NTRK3: variants seen among roughly 807,000 people sequenced by gnomAD.
NTRK3 encodes the protein neurotrophic receptor tyrosine kinase 3, also known as NT-3 growth factor receptor.
In NTRK3, 24 loss-of-function variants were observed where a neutral mutation model predicts 91.7. The ratio of observed to expected loss-of-function variants is 0.26; its 90% CI spans 0.19 to 0.37. The LOEUF (loss-of-function observed/expected upper bound fraction) is 0.37, where lower values mean the gene tolerates loss of function less well. Ranked by LOEUF, NTRK3 falls within the 10% of genes least tolerant of loss-of-function variation. NTRK3 has a pLI of 1.00. For synonymous variants in NTRK3, 483 were observed against 404.0 expected (o/e 1.20, Z -2.34); for missense variants, 880 against 1,068.9 (o/e 0.82, Z 2.46).
At chr15:87,867,547 C>T (rs1291464535) in exon 19 of NTRK3, 1 of 229,820 alleles carries the variant, frequency 4.4e-6, no homozygotes, top group Non-Finnish European at 8.6e-6. Flanking sequence ...AACAGATTGG[C>T]TTGCCCCATC....
intron 3 of NTRK3, among the ~76,000 whole-genome samples, chr15:88,214,674 A>C (rs1290146320): frequency 9.4e-6 from 1 of 106,836 alleles, no homozygotes; most frequent in Non-Finnish European, 2.0e-5. Flanking sequence ...AAAAAAAAAA[A>C]AACAGAGAGA....
At chr15:87,917,331 C>T (rs2067517531) in intron 17 of NTRK3, among the ~76,000 whole-genome samples, 1 of 152,170 alleles carries the variant, frequency 6.6e-6, no homozygotes, top group African/African-American at 2.4e-5. Context: ...CCTGTGGAAT[C>T]CCAGAAGATG....
chr15:87,862,001 T>C (rs1241140203), exon 19 of NTRK3: 1 of 212,778 alleles, frequency 4.7e-6, no homozygotes, highest in Non-Finnish European at 9.5e-6. Context: ...CCTATCCCCA[T>C]AGGTCCTTTC....
At chr15:88,111,891 G>T (rs1168208498) in intron 13 of NTRK3, among the ~76,000 whole-genome samples, 3 of 146,344 alleles carry the variant, frequency 2.0e-5, no homozygotes, top group Non-Finnish European at 4.5e-5. Context: ...CTGGTTTCTG[G>T]TTTTTTTTTT....
rs59553739 is a variant in NTRK3, at chr15:88,197,094, CAAAAAAAAAAAAAAAAAAAA to C, written c.249-12815_249-12796del. ...AGAAGAGGTCTATGGTTGAGCAGGA[CAAAAAAAAAAAAAAAAAAAA>C]AAAAAAAAAAAAACCTCTGTGATTG... On this transcript the variant is annotated intron_variant, in intron 3 of 18. Transcript: ENST00000394480. Among the ~76,000 whole-genome samples, 19 of 56,512 alleles carry C rather than the reference CAAAAAAAAAAAAAAAAAAAA, an allele frequency of 3.4e-4. No individual in the cohort carries two copies. The Admixed American group carries it at 5.6e-3, about 17-fold the overall frequency. 37.1% of individuals were successfully genotyped at this position (56,512 alleles called of 152,430 possible). A position where few individuals can be genotyped will look rare whatever the true frequency, so the allele number is the denominator to read the frequency against.
intron 14 of NTRK3, among the ~76,000 whole-genome samples, chr15:88,009,239 T>C (rs952821881): frequency 2.6e-5 from 4 of 152,230 alleles, no homozygotes; most frequent in African/African-American, 9.6e-5. Flanking sequence ...ATGAAGCTAT[T>C]ACTATATGCA....
exon 19 of NTRK3, chr15:87,872,988 A>G (rs1269349076): frequency 1.3e-5 from 3 of 233,028 alleles, no homozygotes; most frequent in Non-Finnish European, 1.7e-5. Context: ...TCACCCTGCC[A>G]CTTTTCTACT....
chr15:87,920,705 G>A (rs2067793979), intron 17 of NTRK3, among the ~76,000 whole-genome samples: 1 of 152,146 alleles, frequency 6.6e-6, no homozygotes, highest in South Asian at 2.1e-4. Flanking sequence ...GGTTTTGCAG[G>A]AGGGGGTCTT....
chr15:87,861,330 A>T (rs1048236147), exon 19 of NTRK3: 3 of 216,422 alleles, frequency 1.4e-5, no homozygotes, highest in African/African-American at 6.8e-5. Context: ...AGTAGGTACC[A>T]GCTGATTTTC....
At chr15:88,076,382 G>C (rs1457021261) in intron 13 of NTRK3, among the ~76,000 whole-genome samples, 1 of 152,080 alleles carries the variant, frequency 6.6e-6, no homozygotes, top group Non-Finnish European at 1.5e-5. Context: ...ATGAGATTTG[G>C]GTGGGGAGAC....
intron 13 of NTRK3, among the ~76,000 whole-genome samples, chr15:88,076,117 A>G (rs1373345522): frequency 1.3e-5 from 2 of 152,182 alleles, no homozygotes; most frequent in Non-Finnish European, 2.9e-5. Context: ...AAAGAGGTTT[A>G]ATGGACTCAT....
chr15:87,975,548 C>T (rs2073649055), intron 14 of NTRK3, among the ~76,000 whole-genome samples: 1 of 152,214 alleles, frequency 6.6e-6, no homozygotes, highest in South Asian at 2.1e-4. Context: ...CCACCCTAAG[C>T]TGAGGCCAGT....
exon 19 of NTRK3, chr15:87,872,146 C>G (rs1304260487): frequency 4.5e-6 from 1 of 220,740 alleles, no homozygotes; most frequent in African/African-American, 2.2e-5. Context: ...ATAGACATCT[C>G]AGGGGCCTTT....
At chr15:88,061,840 C>T (rs1283863142) in intron 13 of NTRK3, among the ~76,000 whole-genome samples, 8 of 152,208 alleles carry the variant, frequency 5.3e-5, no homozygotes, top group African/African-American at 1.9e-4. Flanking sequence ...GGACTCAGCT[C>T]TGCCTCTTCC....
At chr15:87,941,685 G>A (rs1054335695) in intron 14 of NTRK3, among the ~76,000 whole-genome samples, 2 of 152,238 alleles carry the variant, frequency 1.3e-5, no homozygotes, top group Non-Finnish European at 2.9e-5. Context: ...ATCCAAGAAC[G>A]AGGGTGTGTG....
At chr15:88,086,074 T>G (rs1297219886) in intron 13 of NTRK3, among the ~76,000 whole-genome samples, 1 of 152,208 alleles carries the variant, frequency 6.6e-6, no homozygotes, top group East Asian at 1.9e-4. Context: ...GAAGACTTCA[T>G]AGGTAGGAGA....
exon 19 of NTRK3, chr15:87,870,934 T>C (rs2064813878): frequency 4.3e-6 from 1 of 230,660 alleles, no homozygotes; most frequent in East Asian, 6.2e-5. Flanking sequence ...CCTGGGTGAT[T>C]AGGAAAAATT....
At chr15:88,008,479 A>AC (rs1210049864) in intron 14 of NTRK3, among the ~76,000 whole-genome samples, 3 of 151,982 alleles carry the variant, frequency 2.0e-5, no homozygotes, top group African/African-American at 7.3e-5. Flanking sequence ...AGGTTCTTGG[A>AC]CACAGTGGTC....
At position 88,255,192 on chromosome 15, in the gene NTRK3, C is replaced by T. The variant is rs1261390508; in HGVS notation, c.248+714G>A. 6.6e-6 allele frequency among the ~76,000 whole-genome samples: 1 copy of T among 152,104 alleles called. No individual in the cohort carries two copies. The highest frequency in any genetic ancestry group is 2.4e-5 in the African/African-American group (1 of 41,416). On this transcript the variant is annotated intron_variant, in intron 3 of 18. Transcript: ENST00000394480. This position sits in a 1 kb window ranked among gnomAD's most constrained non-coding sequence, Gnocchi z 4.3. The stretch of plus-strand genomic sequence containing the variant: ...GAATAGTTCCGAGCAGTTATCAAAG[C>T]CCAAACTGGGAAGGGATCTGTAGGC...
Sources: allele counts gnomAD v4.1 joint callset (sites outside exome capture counted in the v4.1 genomes callset), GRCh38; gene constraint gnomAD v4.1.1; non-coding constraint Gnocchi (gnomAD v3.1); transcripts MANE v1.5; gene names NCBI Gene and HGNC (gene_info 2026-07-23, HGNC 2026-07-21).